The following DICER1 variants were observed in gnomAD, a reference collection of about 807,000 sequenced individuals.
The protein encoded by DICER1 is dicer 1, ribonuclease III, also known as endoribonuclease Dicer.
In DICER1, 43 loss-of-function variants were observed where a neutral mutation model predicts 194.1. The observed-to-expected ratio is 0.22, with a 90% CI of 0.17 to 0.29. The LOEUF (loss-of-function observed/expected upper bound fraction) is 0.29. Among genes scored for constraint, DICER1 ranks in the 10% least tolerant of loss-of-function variants. The probability of loss-of-function intolerance (pLI) is 1.00; values close to 1 mark genes in which losing one functional copy is unlikely to be tolerated. For missense variants in DICER1, 1,608 were observed against 2,317.0 expected, an observed-to-expected ratio of 0.69 and a Z score of 6.28; for synonymous variants, 832 against 820.5, an observed-to-expected ratio of 1.01 and a Z score of -0.24.
chr14:95,144,372 C>T (rs1161268027), intron 1 of DICER1, among the ~76,000 whole-genome samples: 1 of 151,960 alleles, frequency 6.6e-6, no homozygotes, highest in Non-Finnish European at 1.5e-5. Flanking sequence ...GCAAGCAGTT[C>T]AGTGTCAGAA....
chr14:95,154,879 A>C (rs1301057217), intron 1 of DICER1, among the ~76,000 whole-genome samples: 2 of 152,178 alleles, frequency 1.3e-5, no homozygotes, highest in Non-Finnish European at 2.9e-5. Flanking sequence ...AAAAAAAAAA[A>C]AACAACTATC....
chr14:95,151,337 T>C (rs1316886947), intron 1 of DICER1, among the ~76,000 whole-genome samples: 2 of 152,218 alleles, frequency 1.3e-5, no homozygotes, highest in Non-Finnish European at 2.9e-5. Context: ...TACTAGACCA[T>C]ACATTTCAAT....
chr14:95,091,977 T>G (rs1050457547), intron 24 of DICER1, among the ~76,000 whole-genome samples: 1 of 152,190 alleles, frequency 6.6e-6, no homozygotes, highest in Non-Finnish European at 1.5e-5. Flanking sequence ...CTTTGAAAAG[T>G]TCACAATTCT....
At chr14:95,132,739 G>C (rs1894063921) in intron 2 of DICER1, 62 bp from the exon 3 acceptor site, 3 of 1,508,474 alleles carry the variant, frequency 2.0e-6, no homozygotes, top group Admixed American at 1.7e-5. Context: ...TTATAAAATT[G>C]GATTTTATTT....
chr14:95,143,244 C>T (rs574357545), intron 1 of DICER1, among the ~76,000 whole-genome samples: 5 of 152,284 alleles, frequency 3.3e-5, no homozygotes, highest in African/African-American at 4.8e-5. Flanking sequence ...ACTGCAATCA[C>T]GCCTACATCA....
chr14:95,126,712 A>G lies in DICER1; in HGVS notation c.771T>C (p.Cys257=). Reference sequence around the variant, plus strand: ...GCCCACTTCTGTCAGTAAATGGTCCACAATCCACCACAATCTCACATGGCT... The same window carrying G: ...GCCCACTTCTGTCAGTAAATGGTCCGCAATCCACCACAATCTCACATGGCT... ...TSQPCEIVVD[C]GPFTDRSGLY... The change falls in exon 7 of 27, where the codon TGT becomes TGC. Residue 257 remains cysteine, a synonymous_variant. Transcript: ENST00000343455. 2 of 1,611,486 alleles carry G rather than the reference A, an allele frequency of 1.2e-6. No individual in the cohort carries two copies. The highest frequency in any genetic ancestry group is 8.5e-7 in the Non-Finnish European group (1 of 1,177,774).
chr14:95,122,901 CAGA>C (rs1282973520), intron 8 of DICER1, among the ~76,000 whole-genome samples: 3 of 151,636 alleles, frequency 2.0e-5, no homozygotes, highest in Admixed American at 2.0e-4. Flanking sequence ...CCTAAACATT[CAGA>C]AGCAGTTAAG....
At chr14:95,130,771 G>A (rs970586028) in intron 4 of DICER1, among the ~76,000 whole-genome samples, 2 of 152,172 alleles carry the variant, frequency 1.3e-5, no homozygotes, top group Non-Finnish European at 2.9e-5. Context: ...ATGGAAACAT[G>A]TAAGTTAGAG....
chr14:95,136,074 T>C (rs187339525), intron 1 of DICER1, among the ~76,000 whole-genome samples: 1 of 131,050 alleles, frequency 7.6e-6, no homozygotes, highest in African/African-American at 2.8e-5. Flanking sequence ...AGAAAAAGAA[T>C]CTACATGTAG....
chr14:95,143,101 A>G (rs2140379963), intron 1 of DICER1, among the ~76,000 whole-genome samples: 1 of 152,314 alleles, frequency 6.6e-6, no homozygotes, highest in South Asian at 2.1e-4. Flanking sequence ...ATGGAAAAAA[A>G]CCACAATATA....
At chr14:95,097,604 A>C (rs1317214831) in intron 22 of DICER1, among the ~76,000 whole-genome samples, 1 of 152,148 alleles carries the variant, frequency 6.6e-6, no homozygotes, top group Non-Finnish European at 1.5e-5. Flanking sequence ...AAGATGCCAA[A>C]TTTCTGTTAT....
Position 95,124,601 on chromosome 14 carries a change from A to G in DICER1, c.971T>C (p.Met324Thr), listed in dbSNP as rs1595440270. The G allele has an allele frequency of 1.2e-6, 2 of 1,613,792 alleles. No homozygotes were observed. The highest frequency in any genetic ancestry group is 1.7e-6 in the Non-Finnish European group (2 of 1,180,026). Reference sequence around the variant, plus strand: ...GTATTTCTGTAGTTCTCTTACCATCATTCCAGCTACTTTATCTGCACACCA... The same window carrying G: ...GTATTTCTGTAGTTCTCTTACCATCGTTCCAGCTACTTTATCTGCACACCA... ...GPWCADKVAGMMVRELQKYIK... is the reference protein window; with the variant it reads ...GPWCADKVAGTMVRELQKYIK... The change falls in exon 8 of 27, where the codon ATG becomes ACG. Residue 324 changes from methionine (M) to threonine (T), a missense_variant. Met to Thr is a moderately conservative substitution (Grantham distance 81). This residue lies in a region of DICER1 where 657 missense variants were observed against 910.1 expected (regional missense o/e 0.72). Coordinates refer to ENST00000343455, the MANE Select transcript of DICER1 (RefSeq NM_177438.3). The surrounding 1 kb of genome is among the most constrained non-coding windows in gnomAD (Gnocchi z 4.5).
At chr14:95,133,572 A>T (rs1470535965) in intron 1 of DICER1, 69 bp from the exon 2 acceptor site, 12 of 1,144,164 alleles carry the variant, frequency 1.0e-5, no homozygotes, top group Non-Finnish European at 1.4e-5. Context: ...CACAGAAACA[A>T]GAGAAACATC....
chr14:95,124,837 C>T lies in DICER1; in HGVS notation c.904-169G>A, dbSNP rs1893271830. On this transcript the variant is annotated intron_variant, in intron 7 of 26. Coordinates refer to ENST00000343455, the MANE Select transcript of DICER1 (RefSeq NM_177438.3). The surrounding 1 kb of genome is among the most constrained non-coding windows in gnomAD (Gnocchi z 4.5). ...GAGAGGCCATTAGCCTTTTCAAGCT[C>T]ATTTCGTATGTATATGCCTAGAACC... Among the ~76,000 whole-genome samples the T allele has an allele frequency of 6.6e-6, 1 of 152,140 alleles. No homozygotes were observed. Among genetic ancestry groups the T allele is most frequent in the African/African-American group, 2.4e-5 (1 of 41,428 alleles).
intron 1 of DICER1, among the ~76,000 whole-genome samples, chr14:95,147,114 T>C (rs1267583119): frequency 6.6e-6 from 1 of 152,174 alleles, no homozygotes; most frequent in Non-Finnish European, 1.5e-5. Context: ...ACTTTCAAAC[T>C]GTGGATGATT....
At position 95,113,160 on chromosome 14, in the gene DICER1, A is replaced by G. The variant is rs761068637; in HGVS notation, c.1972T>C (p.Leu658=). The part of the protein sequence containing the change: ...HLAPKCRTRE[L]PDGTFYSTLY... Reference sequence around the variant, plus strand: ...GTTGAATAAAATGTACCATCAGGCAACTCTCGGGTTCTGCATTTAGGAGCT... The same window carrying G: ...GTTGAATAAAATGTACCATCAGGCAGCTCTCGGGTTCTGCATTTAGGAGCT... Residue 658 remains leucine (L), a synonymous_variant, in exon 12 of 27, where the codon TTG becomes CTG. Transcript: ENST00000343455. 6.2e-7 allele frequency: 1 copy of G among 1,613,370 alleles called. No individual in the cohort carries two copies. Among genetic ancestry groups the G allele is most frequent in the South Asian group, 1.1e-5 (1 of 91,074 alleles).
chr14:95,095,753 C>T (rs576096928), intron 23 of DICER1, 72 bp downstream of exon 23: 123 of 1,534,320 alleles, frequency 8.0e-5, no homozygotes, highest in Non-Finnish European at 1.1e-4. Flanking sequence ...ATCACTTTTA[C>T]AAGGCCAACA....
At chr14:95,145,389 C>T (rs962409029) in intron 1 of DICER1, among the ~76,000 whole-genome samples, 2 of 152,196 alleles carry the variant, frequency 1.3e-5, no homozygotes, top group African/African-American at 2.4e-5. Context: ...TTCACTAGTT[C>T]TCTTGAAAAA....
intron 8 of DICER1, among the ~76,000 whole-genome samples, chr14:95,120,235 T>C (rs751131436): frequency 3.9e-5 from 6 of 152,160 alleles, no homozygotes; most frequent in Non-Finnish European, 8.8e-5. Context: ...CAGATATAAT[T>C]CCTCTATGAT....
Sources: gnomAD v4.1 joint callset for allele counts (sites outside exome capture counted in the v4.1 genomes callset) on GRCh38, gnomAD v4.1.1 for gene constraint, gnomAD v4.1.1 regional missense constraint, Gnocchi (gnomAD v3.1) non-coding constraint, MANE v1.5 for transcripts, NCBI Gene and HGNC (gene_info 2026-07-23, HGNC 2026-07-21) for gene names.